HSPH1: variants seen among roughly 807,000 people sequenced by gnomAD.
HSPH1 encodes the protein heat shock protein family H (Hsp110) member 1.
A neutral mutation model predicts 100.0 loss-of-function variants in HSPH1; 40 were observed. The observed-to-expected ratio is 0.40, with a 90% CI of 0.31 to 0.52. HSPH1 has a LOEUF of 0.52. Ranked by LOEUF, HSPH1 falls within the 20% of genes least tolerant of loss-of-function variation. The pLI is 0.54. For synonymous variants in HSPH1, 403 were observed against 344.0 expected, an observed-to-expected ratio of 1.17 and a Z score of -1.90; for missense variants, 876 against 1,015.1, an observed-to-expected ratio of 0.86 and a Z score of 1.86.
chr13:31,140,922 T>C, intron 13 of HSPH1, 200 bp downstream of exon 13: 3 of 390,646 alleles, frequency 7.7e-6, no homozygotes, highest in Admixed American at 4.4e-5. Flanking sequence ...CAGCCAATCA[T>C]GTTATATCAA....
At chr13:31,137,569 C>A in intron 17 of HSPH1, 45 bp from the exon 18 acceptor site, 1 of 1,449,966 alleles carries the variant, frequency 6.9e-7, no homozygotes, top group Admixed American at 2.0e-5. Context: ...CAGATCCATC[C>A]AGTTCATTTT....
At chr13:31,150,756 A>G (rs1293185944) in intron 7 of HSPH1, among the ~76,000 whole-genome samples, 191 bp downstream of exon 7, 1 of 152,202 alleles carries the variant, frequency 6.6e-6, no homozygotes, top group African/African-American at 2.4e-5. Flanking sequence ...TAGCAAAGGT[A>G]TTTTTAAAAG....
intron 1 of HSPH1, among the ~76,000 whole-genome samples, chr13:31,159,559 C>A (rs563852179): frequency 6.6e-4 from 101 of 152,164 alleles, no homozygotes; most frequent in African/African-American, 2.4e-3. Context: ...GAAATGGAAC[C>A]GCACAATAAC....
chr13:31,155,381 A>C, intron 3 of HSPH1, 133 bp downstream of exon 3: 1 of 615,618 alleles, frequency 1.6e-6, no homozygotes, highest in East Asian at 2.8e-5. Flanking sequence ...ACTATACTTT[A>C]AAAGGAGCTG....
intron 8 of HSPH1, among the ~76,000 whole-genome samples, chr13:31,149,637 CCT>C (rs1197208627): frequency 2.0e-5 from 3 of 152,072 alleles, no homozygotes; most frequent in African/African-American, 7.2e-5. Flanking sequence ...ACTGTAATTC[CCT>C]GTGTGCTTTT....
chr13:31,160,678 T>A (rs966914983), intron 1 of HSPH1, among the ~76,000 whole-genome samples: 2 of 152,202 alleles, frequency 1.3e-5, no homozygotes, highest in Non-Finnish European at 2.9e-5. Flanking sequence ...TCCATCCTCT[T>A]TTGGCGTCCT....
chr13:31,160,153 C>A (rs1956844512), intron 1 of HSPH1, among the ~76,000 whole-genome samples: 1 of 152,204 alleles, frequency 6.6e-6, no homozygotes, highest in Non-Finnish European at 1.5e-5. Context: ...ACTCTCTTCT[C>A]TGAAAAGCTT....
chr13:31,153,955 G>A (rs973793871), intron 4 of HSPH1: 2 of 152,156 alleles, frequency 1.3e-5, no homozygotes, highest in African/African-American at 4.8e-5. Flanking sequence ...CAGGAGAAAT[G>A]TTAGTTCTTC....
At chr13:31,150,692 A>G (rs1158790733) in intron 7 of HSPH1, among the ~76,000 whole-genome samples, 1 of 152,206 alleles carries the variant, frequency 6.6e-6, no homozygotes, top group Admixed American at 6.5e-5. Context: ...GAAATACTAA[A>G]AAGTGAAAAT....
In HSPH1 at chr13:31,144,906, G is replaced by A. The variant is rs536002216; in HGVS notation, c.1584+657C>T. On this transcript the variant is annotated intron_variant, in intron 11 of 17. Transcript: ENST00000320027. ...AAGGTAACAGTGATCACTAGATAAC[G>A]CACTTTCTCACATCTTAACTAAAAC... Among the ~76,000 whole-genome samples, 12 of 152,130 alleles carry A rather than the reference G, an allele frequency of 7.9e-5. No homozygotes were observed. In the South Asian group the frequency reaches 1.7e-3, roughly 21 times the overall value.
rs780912783 is a variant in HSPH1 at position 31,143,912 on chromosome 13, C to A, written c.1596G>T (p.Gln532His). 2 of 1,598,472 alleles carry A rather than the reference C, an allele frequency of 1.3e-6. No homozygotes were observed. Among genetic ancestry groups the A allele is most frequent in the Admixed American group, 3.5e-5 (2 of 57,874 alleles). The change falls in exon 12 of 18, where the codon CAG becomes CAT. Residue 532 changes from glutamine to histidine, a missense_variant. Gln to His is a conservative substitution (Grantham distance 24, BLOSUM62 0). Coordinates refer to ENST00000320027, the MANE Select transcript of HSPH1 (RefSeq NM_006644.4). ...GTGTTCCAGCTTCACTGTTGTCTTG[C>A]TGGACATTTTTCTGAAATGAAAGCC... ...PENPDTDKNV[Q>H]QDNSEAGTQP...
chr13:31,160,268 T>C (rs894298621), intron 1 of HSPH1, among the ~76,000 whole-genome samples: 2 of 152,208 alleles, frequency 1.3e-5, no homozygotes, highest in Admixed American at 6.5e-5. Context: ...AAAAAAACCT[T>C]AACCAAAACA....
chr13:31,153,644 T>C (rs1956566834), intron 4 of HSPH1, among the ~76,000 whole-genome samples: 1 of 152,188 alleles, frequency 6.6e-6, no homozygotes, highest in African/African-American at 2.4e-5. Context: ...TAACAACACA[T>C]TCGTAGAATC....
Position 31,161,500 on chromosome 13 carries a change from T to C in HSPH1, c.83A>G (p.Asn28Ser). 3 of 1,613,992 alleles carry C rather than the reference T, an allele frequency of 1.9e-6. No individual in the cohort carries two copies. The highest frequency in any genetic ancestry group is 2.5e-6 in the Non-Finnish European group (3 of 1,179,932). The change falls in exon 1 of 18, where the codon AAT (asparagine) becomes AGT (serine). Residue 28 changes from asparagine to serine, a missense_variant. Coordinates refer to ENST00000320027, the MANE Select transcript of HSPH1 (RefSeq NM_006644.4). ...ARAGGIETIA[N>S]EFSDRCTPSV... is the part of the protein sequence containing the mutation. ...CGGGGTGCACCGGTCGCTGAACTCA[T>C]TGGCGATGGTCTCGATGCCCCCGGC...
chr13:31,141,072 C>T, intron 13 of HSPH1, 50 bp downstream of exon 13: 1 of 1,215,154 alleles, frequency 8.2e-7, no homozygotes, highest in Non-Finnish European at 1.1e-6. Context: ...ATATCAGGGC[C>T]AAGAAACTAA....
chr13:31,145,760 C>T lies in HSPH1; in HGVS notation c.1387G>A (p.Val463Ile). ...PYPEAKIGRFVVQNVSAQKDG... is the reference protein window; with the variant it reads ...PYPEAKIGRFIVQNVSAQKDG... ...TTCTGTGCAGAAACATTCTGAACTA[C>T]AAAGCGGCCTAGAACAACAACAACA... The change falls in exon 11 of 18, where the codon GTA (valine) becomes ATA (isoleucine). Residue 463 changes from valine (V) to isoleucine (I), a missense_variant. By Grantham distance (29) the Val-to-Ile change is conservative. Coordinates refer to ENST00000320027, the MANE Select transcript of HSPH1 (RefSeq NM_006644.4). The T allele has an allele frequency of 3.1e-6, 5 of 1,613,298 alleles. No individual in the cohort carries two copies. The highest frequency in any genetic ancestry group is 4.2e-6 in the Non-Finnish European group (5 of 1,179,490).
intron 14 of HSPH1, 125 bp from the exon 15 acceptor site, chr13:31,139,232 T>C: frequency 1.5e-6 from 1 of 658,800 alleles, no homozygotes; most frequent in Non-Finnish European, 2.7e-6. Context: ...TTGGCTTCTC[T>C]GCCTTGTTAC....
At chr13:31,157,733 G>T (rs1014298198) in intron 2 of HSPH1, among the ~76,000 whole-genome samples, 1 of 152,030 alleles carries the variant, frequency 6.6e-6, no homozygotes, top group African/African-American at 2.4e-5. Flanking sequence ...ACCTCCAAGG[G>T]GTCTGTCTAG....
rs771649435 is a variant in HSPH1, at chr13:31,137,091, A to C, written c.*227T>G. 2.0e-5 allele frequency: 14 copies of C among 694,904 alleles called. No individual in the cohort carries two copies. The highest frequency in any genetic ancestry group is 3.5e-5 in the Non-Finnish European group (13 of 369,534). 43.0% of individuals were successfully genotyped at this position (694,904 alleles called of 1,614,324 possible). On this transcript the variant is annotated 3_prime_UTR_variant, in exon 18 of 18. Transcript: ENST00000320027. ...AATGGTGAGACTGCACAGAAAGCTT[A>C]GTATGAATTCACAATTCCACAGGAA...
Sources: gnomAD v4.1 joint callset for allele counts (sites outside exome capture counted in the v4.1 genomes callset) on GRCh38, gnomAD v4.1.1 for gene constraint, MANE v1.5 for transcripts, NCBI Gene and HGNC (gene_info 2026-07-23, HGNC 2026-07-21) for gene names.